The following KCNK2 variants were observed in gnomAD, a reference collection of about 807,000 sequenced individuals.
KCNK2 encodes potassium two pore domain channel subfamily K member 2.
KCNK2 carries 21 observed loss-of-function variants against 40.5 expected under a neutral mutation model. That is an observed-to-expected ratio of 0.52 (90% CI 0.37 to 0.75). The LOEUF (loss-of-function observed/expected upper bound fraction) is 0.75. KCNK2 is among the 30% of genes least tolerant of loss of function. The pLI, the probability that KCNK2 is intolerant of heterozygous loss-of-function variation, is 0.00. For missense variants in KCNK2, 399 were observed against 531.6 expected (o/e 0.75, Z 2.45); for synonymous variants, 191 against 202.2 (o/e 0.94, Z 0.47).
At chr1:215,160,279 G>A (rs1166279428) in intron 3 of KCNK2, among the ~76,000 whole-genome samples, 1 of 152,100 alleles carries the variant, frequency 6.6e-6, no homozygotes, top group Non-Finnish European at 1.5e-5. Context: ...GATGTCTACA[G>A]CTTACTATAA....
At chr1:215,185,615 A>G (rs1664402616) in intron 5 of KCNK2, among the ~76,000 whole-genome samples, 1 of 152,166 alleles carries the variant, frequency 6.6e-6, no homozygotes, top group Non-Finnish European at 1.5e-5. Flanking sequence ...AATATCAATT[A>G]TTTACTGTTT....
intron 5 of KCNK2, among the ~76,000 whole-genome samples, chr1:215,182,171 C>T (rs1292625840): frequency 6.6e-6 from 1 of 151,814 alleles, no homozygotes; most frequent in East Asian, 1.9e-4. Flanking sequence ...CTGAACCAGG[C>T]AAACAGATGC....
intron 6 of KCNK2, 39 bp from the exon 7 acceptor site, chr1:215,234,789 T>A: frequency 1.3e-6 from 2 of 1,523,742 alleles, no homozygotes; most frequent in Non-Finnish European, 1.8e-6. Flanking sequence ...TTGATCGGCA[T>A]GTCAATATCT....
intron 3 of KCNK2, among the ~76,000 whole-genome samples, chr1:215,158,581 C>G (rs945100889): frequency 6.6e-6 from 1 of 152,104 alleles, no homozygotes; most frequent in Non-Finnish European, 1.5e-5. Flanking sequence ...AAAGTTGTAT[C>G]TTTTATTTAT....
chr1:215,053,744 A>T (rs1372772195), intron 1 of KCNK2, among the ~76,000 whole-genome samples: 1 of 152,222 alleles, frequency 6.6e-6, no homozygotes, highest in Non-Finnish European at 1.5e-5. Flanking sequence ...AGGCAGGCAG[A>T]TCACTTAAGG....
intron 3 of KCNK2, among the ~76,000 whole-genome samples, chr1:215,131,406 AT>A (rs1661672501): frequency 6.8e-6 from 1 of 146,972 alleles, no homozygotes; most frequent in Non-Finnish European, 1.5e-5. Flanking sequence ...TAATTAGTAT[AT>A]TTATATTTTA....
At chr1:215,091,815 G>A (rs1196764093) in intron 2 of KCNK2, among the ~76,000 whole-genome samples, 1 of 152,114 alleles carries the variant, frequency 6.6e-6, no homozygotes, top group Admixed American at 6.5e-5. Flanking sequence ...AGCTGTCTGG[G>A]GAATAACACT....
intron 1 of KCNK2, among the ~76,000 whole-genome samples, chr1:215,027,591 G>A (rs756758286): frequency 6.6e-6 from 1 of 151,960 alleles, no homozygotes; most frequent in Non-Finnish European, 1.5e-5. Context: ...GCCAGTTTGG[G>A]GTTTTCTGTT....
chr1:215,143,645 GT>G (rs1022901820), intron 3 of KCNK2, among the ~76,000 whole-genome samples: 2 of 152,132 alleles, frequency 1.3e-5, no homozygotes, highest in African/African-American at 2.4e-5. Flanking sequence ...CCATTGTGGT[GT>G]TTTAAGCCTA....
chr1:215,161,543 A>G (rs1663194355), intron 3 of KCNK2, among the ~76,000 whole-genome samples: 1 of 151,742 alleles, frequency 6.6e-6, no homozygotes, highest in African/African-American at 2.4e-5. Context: ...TACATTAGGT[A>G]TTTCTCCTAA....
chr1:215,141,238 TA>T (rs777653312), intron 3 of KCNK2, among the ~76,000 whole-genome samples: 1 of 152,106 alleles, frequency 6.6e-6, no homozygotes, highest in Non-Finnish European at 1.5e-5. Flanking sequence ...AAAATAATAA[TA>T]AAAGGTATAA....
At chr1:215,232,790 G>C (rs552762095) in intron 6 of KCNK2, among the ~76,000 whole-genome samples, 1 of 152,304 alleles carries the variant, frequency 6.6e-6, no homozygotes, top group East Asian at 1.9e-4. Flanking sequence ...ATGAAAGACT[G>C]GCTGTGAGGT....
chr1:215,047,158 C>T (rs1040481401), intron 1 of KCNK2, among the ~76,000 whole-genome samples: 1 of 151,982 alleles, frequency 6.6e-6, no homozygotes, highest in African/African-American at 2.4e-5. Context: ...TAATGTTCTC[C>T]TTGAAAAGAT....
chr1:215,091,961 C>T (rs908878191), intron 2 of KCNK2, among the ~76,000 whole-genome samples: 2 of 151,972 alleles, frequency 1.3e-5, no homozygotes, highest in African/African-American at 2.4e-5. Context: ...TCATGTAGGG[C>T]CCTGGAAGTC....
At chr1:215,025,235 A>G (rs1377173) in intron 1 of KCNK2, among the ~76,000 whole-genome samples, 66,682 of 151,812 alleles carry the variant, frequency 0.44, 16,335 homozygotes, top group Non-Finnish European at 0.55. Flanking sequence ...TGATGGTTAA[A>G]TAAGTTCAGA....
intron 1 of KCNK2, 37 bp downstream of exon 1, chr1:215,083,468 C>A: frequency 1.4e-6 from 2 of 1,468,898 alleles, no homozygotes; most frequent in Non-Finnish European, 1.9e-6. Context: ...CCCCTCTGGC[C>A]GCACGCTCTC....
chr1:215,218,145 C>T (rs1666030335), intron 6 of KCNK2, among the ~76,000 whole-genome samples: 1 of 152,104 alleles, frequency 6.6e-6, no homozygotes, highest in African/African-American at 2.4e-5. Flanking sequence ...TTAATGCAGT[C>T]ACAGTATAGG....
intron 6 of KCNK2, among the ~76,000 whole-genome samples, chr1:215,228,733 A>T (rs1666497309): frequency 6.6e-6 from 1 of 152,194 alleles, no homozygotes; most frequent in Non-Finnish European, 1.5e-5. Context: ...ATGCACAAGG[A>T]TTAATTTTAA....
chr1:215,089,980 C>A (rs1659623816), intron 2 of KCNK2, among the ~76,000 whole-genome samples: 1 of 152,002 alleles, frequency 6.6e-6, no homozygotes, highest in South Asian at 2.1e-4. Flanking sequence ...GCATGTGCCA[C>A]CACGGCCAGC....
Sources: allele counts gnomAD v4.1 joint callset (sites outside exome capture counted in the v4.1 genomes callset), GRCh38; gene constraint gnomAD v4.1.1; transcripts MANE v1.5; gene names NCBI Gene and HGNC (gene_info 2026-07-23, HGNC 2026-07-21).